The following SMOC1 variants were observed in gnomAD, a reference collection of about 807,000 sequenced individuals.
SMOC1 encodes SPARC-related modular calcium-binding protein 1.
In SMOC1, 22 loss-of-function variants were observed where a neutral mutation model predicts 56.3. The ratio of observed to expected loss-of-function variants is 0.39; its 90% CI spans 0.28 to 0.56. The LOEUF is 0.56. SMOC1 is among the 20% of genes least tolerant of loss of function. The pLI is 0.61. For missense variants in SMOC1, 509 were observed against 565.4 expected, an observed-to-expected ratio of 0.90 and a Z score of 1.01; for synonymous variants, 193 against 215.0, an observed-to-expected ratio of 0.90 and a Z score of 0.89.
At chr14:69,992,053 CATA>C (rs1464901491) in intron 5 of SMOC1, among the ~76,000 whole-genome samples, 1 of 152,100 alleles carries the variant, frequency 6.6e-6, no homozygotes, top group Non-Finnish European at 1.5e-5. Flanking sequence ...CATGCCTGGC[CATA>C]ACTCAGGGCT....
At chr14:69,951,991 C>A in intron 1 of SMOC1, 147 bp from the exon 2 acceptor site, 1 of 842,414 alleles carries the variant, frequency 1.2e-6, no homozygotes, top group Non-Finnish European at 1.9e-6. Context: ...GACTTTGTGG[C>A]TGCTCCGTTC....
rs1379192675 is a variant in SMOC1 at position 70,030,495 on chromosome 14, C to T, written c.*237C>T. ...AGGGAAGAAAGACTTTATTCTCTCT[C>T]TTATTGTAAGTTTTTGGATCTGCTA... On this transcript the variant is annotated 3_prime_UTR_variant, in exon 12 of 12. Transcript: ENST00000361956. 51 of 187,338 alleles carry T rather than the reference C, an allele frequency of 2.7e-4. No homozygotes were observed. Among genetic ancestry groups the T allele is most frequent in the Admixed American group, 6.0e-4 (6 of 10,020 alleles). 11.6% of individuals were successfully genotyped at this position (187,338 alleles called of 1,614,324 possible).
chr14:70,019,179 A>G (rs547970792), intron 10 of SMOC1, among the ~76,000 whole-genome samples: 24 of 152,326 alleles, frequency 1.6e-4, no homozygotes, highest in African/African-American at 4.8e-4. Context: ...CCTTGGGGCC[A>G]GTTTGGGGAG....
intron 1 of SMOC1, among the ~76,000 whole-genome samples, chr14:69,902,569 C>T (rs1884272288): frequency 6.6e-6 from 1 of 152,140 alleles, no homozygotes; most frequent in African/African-American, 2.4e-5. Flanking sequence ...GACCTCTGCC[C>T]TGAGACCACC....
intron 1 of SMOC1, among the ~76,000 whole-genome samples, chr14:69,933,595 T>G (rs1885222237): frequency 6.6e-6 from 1 of 151,828 alleles, no homozygotes; most frequent in African/African-American, 2.4e-5. Flanking sequence ...AATGGTGTGA[T>G]CTCGGCTCAC....
At chr14:69,906,352 T>C (rs1288633897) in intron 1 of SMOC1, among the ~76,000 whole-genome samples, 2 of 152,204 alleles carry the variant, frequency 1.3e-5, no homozygotes, top group Non-Finnish European at 2.9e-5. Context: ...GAGGCTGCCA[T>C]GATTTGAAGG....
intron 6 of SMOC1, among the ~76,000 whole-genome samples, chr14:69,993,297 AG>A (rs1278822679): frequency 6.6e-5 from 10 of 152,108 alleles, no homozygotes; most frequent in African/African-American, 2.2e-4. Flanking sequence ...GAGAGAGGAT[AG>A]GAGTGCGGGG....
At chr14:69,951,003 G>T (rs1180015849) in intron 1 of SMOC1, among the ~76,000 whole-genome samples, 1 of 152,144 alleles carries the variant, frequency 6.6e-6, no homozygotes, top group Non-Finnish European at 1.5e-5. Context: ...TCTCTGAGTT[G>T]CAATTAGATG....
chr14:69,903,518 AAAG>A lies in SMOC1; in HGVS notation c.99+23745_99+23747del, dbSNP rs1242286578. ...TCAGATTGTTGCTGTGTCTGTGTAG[AAAG>A]AAGTAGACATAGGAGACTCCATTTT... On this transcript the variant is annotated intron_variant, in intron 1 of 11. Transcript: ENST00000361956. 3.3e-5 allele frequency among the ~76,000 whole-genome samples: 5 copies of A among 152,352 alleles called. No individual in the cohort carries two copies. The South Asian group carries it at 8.3e-4, about 25-fold the overall frequency.
chr14:69,893,381 A>G (rs537542996), intron 1 of SMOC1, among the ~76,000 whole-genome samples: 1 of 152,270 alleles, frequency 6.6e-6, no homozygotes, highest in Admixed American at 6.5e-5. Flanking sequence ...CCATGGAGGG[A>G]TAGAGAAGGG....
At chr14:69,959,675 G>T (rs944840431) in intron 3 of SMOC1, among the ~76,000 whole-genome samples, 2 of 151,578 alleles carry the variant, frequency 1.3e-5, no homozygotes, top group Non-Finnish European at 2.9e-5. Context: ...TTGCATATAG[G>T]GATCTATATG....
intron 1 of SMOC1, among the ~76,000 whole-genome samples, chr14:69,944,969 A>G (rs929843251): frequency 2.1e-4 from 32 of 152,258 alleles, no homozygotes; most frequent in African/African-American, 7.2e-4. Context: ...TCCTTTAAAG[A>G]AAAGAAAGGA....
In SMOC1 at chr14:70,030,544, G is replaced by T. The variant is rs1886110311; in HGVS notation, c.*286G>T. Reference sequence around the variant, plus strand: ...TACTGACAACTTTTAGAGGGTTTTGGGGGGGTGGGGGAGGGTGTTGTTGGG... The same window carrying T: ...TACTGACAACTTTTAGAGGGTTTTGTGGGGGTGGGGGAGGGTGTTGTTGGG... On this transcript the variant is annotated 3_prime_UTR_variant, in exon 12 of 12. Coordinates refer to ENST00000361956, the MANE Select transcript of SMOC1 (RefSeq NM_001034852.3). The T allele has an allele frequency of 1.6e-5, 5 of 315,360 alleles. No individual in the cohort carries two copies. In the South Asian group the frequency reaches 3.0e-4, roughly 19 times the overall value. The allele number at this position is 315,360 out of a possible 1,614,324, so 19.5% of individuals were successfully genotyped here.
At chr14:69,981,676 G>C in intron 5 of SMOC1, among the ~76,000 whole-genome samples, 1 of 152,218 alleles carries the variant, frequency 6.6e-6, no homozygotes, top group East Asian at 1.9e-4. Context: ...GGCTGAAGAA[G>C]TAGAGATAGA....
intron 4 of SMOC1, among the ~76,000 whole-genome samples, chr14:69,977,151 T>C (rs954670663): frequency 6.6e-6 from 1 of 152,212 alleles, no homozygotes; most frequent in African/African-American, 2.4e-5. Context: ...TGACATGGAT[T>C]AGGGAAATAG....
At chr14:69,899,432 C>T (rs1449293363) in intron 1 of SMOC1, among the ~76,000 whole-genome samples, 8 of 152,130 alleles carry the variant, frequency 5.3e-5, no homozygotes, top group Non-Finnish European at 2.9e-5. Context: ...GCACCTTCCC[C>T]CTCTGGCTCT....
chr14:69,994,007 T>C (rs936045622), intron 6 of SMOC1, among the ~76,000 whole-genome samples: 1 of 152,208 alleles, frequency 6.6e-6, no homozygotes, highest in African/African-American at 2.4e-5. Context: ...CCGTTTCCCC[T>C]AGAATGGTCT....
intron 3 of SMOC1, among the ~76,000 whole-genome samples, chr14:69,959,466 A>G (rs982835905): frequency 1.3e-5 from 2 of 152,232 alleles, no homozygotes; most frequent in Non-Finnish European, 2.9e-5. Context: ...ATAATATAGA[A>G]TATAAAACTC....
chr14:69,985,664 G>T (rs1305054422), intron 5 of SMOC1, among the ~76,000 whole-genome samples: 1 of 152,188 alleles, frequency 6.6e-6, no homozygotes, highest in Non-Finnish European at 1.5e-5. Flanking sequence ...ACACTGTCCT[G>T]CTCCCTCCCA....
Sources: allele counts gnomAD v4.1 joint callset (sites outside exome capture counted in the v4.1 genomes callset), GRCh38; gene constraint gnomAD v4.1.1; transcripts MANE v1.5; gene names NCBI Gene and HGNC (gene_info 2026-07-23, HGNC 2026-07-21).